Variants in ZNF804B observed in about 807,000 individuals in gnomAD.
ZNF804B encodes the protein zinc finger protein 804B.
A neutral mutation model predicts 101.4 loss-of-function variants in ZNF804B; 80 were observed. The observed-to-expected ratio is 0.79, with a 90% CI of 0.66 to 0.95. ZNF804B has a LOEUF of 0.95. Among genes scored for constraint, ZNF804B ranks in the 40% least tolerant of loss-of-function variants. The probability of loss-of-function intolerance (pLI) is 0.00; values close to 1 mark genes in which losing one functional copy is unlikely to be tolerated. For synonymous variants in ZNF804B, 622 were observed against 558.8 expected (o/e 1.11, Z -1.59); for missense variants, 1,673 against 1,561.9 (o/e 1.07, Z -1.20).
In ZNF804B at chr7:89,169,588, T is replaced by C. The variant is rs967916774; in HGVS notation, c.109-48567T>C. Among the ~76,000 whole-genome samples, 81 of 152,284 alleles carry C rather than the reference T, an allele frequency of 5.3e-4. 1 individual carries two copies. Among genetic ancestry groups the C allele is most frequent in the Non-Finnish European group, 3.8e-4 (26 of 68,036 alleles). On this transcript the variant is annotated intron_variant, in intron 1 of 3. Coordinates refer to ENST00000333190, the MANE Select transcript of ZNF804B (RefSeq NM_181646.5). ...TGTCTCTCAATAGGAATGTAAAATC[T>C]TTCTAGATTTATACTATTTCTTCAA... is the stretch of plus-strand genomic sequence containing the variant.
intron 2 of ZNF804B, among the ~76,000 whole-genome samples, chr7:89,298,216 G>GTATATATATATATATATATA (rs1171165341): frequency 3.6e-5 from 1 of 27,524 alleles, no homozygotes; most frequent in Non-Finnish European, 6.0e-5. Flanking sequence ...GTGTGTGTGT[G>GTATATATATATATATATATA]TATATATATA....
intron 1 of ZNF804B, among the ~76,000 whole-genome samples, chr7:89,047,094 C>T (rs572304839): frequency 7.9e-5 from 12 of 152,118 alleles, no homozygotes; most frequent in African/African-American, 2.9e-4. Flanking sequence ...CCATGTTTAT[C>T]TGCAAGTTAT....
chr7:88,785,062 T>C (rs1328836018), intron 1 of ZNF804B, among the ~76,000 whole-genome samples: 1 of 152,154 alleles, frequency 6.6e-6, no homozygotes, highest in Non-Finnish European at 1.5e-5. Flanking sequence ...CAAATCTTCA[T>C]GTTCTTGACA....
intron 1 of ZNF804B, among the ~76,000 whole-genome samples, chr7:89,209,727 G>A (rs1025284440): frequency 2.0e-5 from 3 of 152,166 alleles, no homozygotes; most frequent in Admixed American, 2.0e-4. Context: ...ATGTGTGTAA[G>A]AGAAAAGCAT....
Position 88,855,324 on chromosome 7 carries a change from TGG to T in ZNF804B, c.108+95241_108+95242del, listed in dbSNP as rs1791537524. On this transcript the variant is annotated intron_variant, in intron 1 of 3. Coordinates refer to ENST00000333190, the MANE Select transcript of ZNF804B (RefSeq NM_181646.5). ...ACTGGTGTGAGATGGTATCTCATTG[TGG>T]TTTTGATTTGCATTTCTCTGATGGC... Among the ~76,000 whole-genome samples the T allele has an allele frequency of 8.0e-5, 12 of 150,850 alleles. 2 individuals carry two copies. In the South Asian group the frequency reaches 2.6e-3, roughly 32 times the overall value.
intron 2 of ZNF804B, among the ~76,000 whole-genome samples, chr7:89,277,461 A>C: frequency 4.4e-5 from 4 of 91,942 alleles, no homozygotes; most frequent in Admixed American, 2.5e-4. Flanking sequence ...TATATCTCCC[A>C]ATGCTATCCC....
intron 1 of ZNF804B, among the ~76,000 whole-genome samples, chr7:89,085,753 T>C (rs1455077814): frequency 6.6e-6 from 1 of 152,008 alleles, no homozygotes; most frequent in Non-Finnish European, 1.5e-5. Flanking sequence ...TGTTCTCTAA[T>C]GGATTTTACT....
At chr7:89,244,812 A>G (rs551230994) in intron 2 of ZNF804B, among the ~76,000 whole-genome samples, 1 of 152,178 alleles carries the variant, frequency 6.6e-6, no homozygotes, top group Admixed American at 6.5e-5. Flanking sequence ...TCCATCATCC[A>G]TAGTGCTAAG....
chr7:88,835,769 T>C (rs1791205792), intron 1 of ZNF804B, among the ~76,000 whole-genome samples: 1 of 151,898 alleles, frequency 6.6e-6, no homozygotes, highest in South Asian at 2.1e-4. Flanking sequence ...TTTCAGTGTT[T>C]AAGATTGTTT....
rs116996243 is a variant in ZNF804B at position 88,807,876 on chromosome 7, A to G, written c.108+47792A>G. ...AAACAAGGTATTCTAAATATAAGGCAGTAATTTTTCTTCTTCATTATTAAA... is the reference window on the plus strand; with the variant it reads ...AAACAAGGTATTCTAAATATAAGGCGGTAATTTTTCTTCTTCATTATTAAA... On this transcript the variant is annotated intron_variant, in intron 1 of 3. Coordinates refer to ENST00000333190, the MANE Select transcript of ZNF804B (RefSeq NM_181646.5). 1.7e-3 allele frequency among the ~76,000 whole-genome samples: 265 copies of G among 152,332 alleles called. 2 individuals are homozygous for G. The highest frequency in any genetic ancestry group is 3.4e-3 in the Middle Eastern group (1 of 294).
intron 1 of ZNF804B, among the ~76,000 whole-genome samples, chr7:88,770,130 T>C (rs1790040802): frequency 1.3e-5 from 2 of 152,210 alleles, no homozygotes; most frequent in South Asian, 4.1e-4. Context: ...CCAATCTATA[T>C]ACTTAAATAT....
chr7:88,863,644 A>G (rs1791683018), intron 1 of ZNF804B, among the ~76,000 whole-genome samples: 1 of 152,258 alleles, frequency 6.6e-6, no homozygotes, highest in South Asian at 2.1e-4. Context: ...GGTAAAAAGC[A>G]CAAAGCAGAG....
rs1164730097 is a variant in ZNF804B at position 88,959,394 on chromosome 7, T to A, written c.108+199310T>A. ...CTGGTTATTAACTAGCTCCAAGACATTAAAACTTTCTTAGACTAGAAATGT... is the reference window on the plus strand; with the variant it reads ...CTGGTTATTAACTAGCTCCAAGACAATAAAACTTTCTTAGACTAGAAATGT... On this transcript the variant is annotated intron_variant, in intron 1 of 3. Transcript: ENST00000333190. 7.9e-5 allele frequency among the ~76,000 whole-genome samples: 12 copies of A among 151,416 alleles called. No homozygotes were observed. The Admixed American group carries it at 7.9e-4, about 10-fold the overall frequency.
intron 1 of ZNF804B, among the ~76,000 whole-genome samples, chr7:88,966,381 A>G (rs1461482340): frequency 6.6e-6 from 1 of 151,556 alleles, no homozygotes; most frequent in Non-Finnish European, 1.5e-5. Context: ...TCATAACTGT[A>G]CATCTGAACC....
intron 1 of ZNF804B, among the ~76,000 whole-genome samples, chr7:88,955,273 G>A (rs116478436): frequency 0.015 from 2,213 of 151,522 alleles, 51 homozygotes; most frequent in African/African-American, 0.05. Context: ...ATATAAACAA[G>A]TATGTTGCTT....
At chr7:89,034,084 AT>A (rs1253122081) in intron 1 of ZNF804B, among the ~76,000 whole-genome samples, 1 of 152,008 alleles carries the variant, frequency 6.6e-6, no homozygotes, top group Non-Finnish European at 1.5e-5. Context: ...TATTGTATTT[AT>A]TTGTTATTGA....
At chr7:89,200,597 A>G (rs1404483819) in intron 1 of ZNF804B, among the ~76,000 whole-genome samples, 1 of 151,994 alleles carries the variant, frequency 6.6e-6, no homozygotes, top group Non-Finnish European at 1.5e-5. Flanking sequence ...TGACCTTCCT[A>G]TACTTTCAAG....
At chr7:88,865,249 A>T (rs1326072331) in intron 1 of ZNF804B, among the ~76,000 whole-genome samples, 2 of 143,496 alleles carry the variant, frequency 1.4e-5, no homozygotes, top group Non-Finnish European at 3.0e-5. Flanking sequence ...AAAAAAAAAT[A>T]GACCAGTTAC....
chr7:88,816,744 A>G (rs1790885088), intron 1 of ZNF804B, among the ~76,000 whole-genome samples: 1 of 140,978 alleles, frequency 7.1e-6, no homozygotes, highest in African/African-American at 2.7e-5. Context: ...CAGGTGCTGG[A>G]GAGGATGTGG....
Sources: allele counts gnomAD v4.1 joint callset (sites outside exome capture counted in the v4.1 genomes callset), GRCh38; gene constraint gnomAD v4.1.1; transcripts MANE v1.5; gene names NCBI Gene and HGNC (gene_info 2026-07-23, HGNC 2026-07-21).